ZNF728: variants seen among roughly 807,000 people sequenced by gnomAD.
ZNF728 encodes zinc finger protein 728.
Under a neutral mutation model 12.5 loss-of-function variants are expected in ZNF728, and 12 were observed. The observed-to-expected ratio is 0.96, with a 90% CI of 0.61 to 1.55. The LOEUF (loss-of-function observed/expected upper bound fraction) is 1.55. Among genes scored for constraint, ZNF728 ranks in the 40% most tolerant of loss-of-function variants. The pLI is 0.00. For synonymous variants in ZNF728, 205 were observed against 240.7 expected, an observed-to-expected ratio of 0.85 and a Z score of 1.37; for missense variants, 692 against 719.2, an observed-to-expected ratio of 0.96 and a Z score of 0.43.
intron 3 of ZNF728, among the ~76,000 whole-genome samples, chr19:22,977,605 T>C (rs1441137130): frequency 6.6e-6 from 1 of 152,134 alleles, no homozygotes; most frequent in Non-Finnish European, 1.5e-5. Context: ...AGACCAAAGA[T>C]AAATACAATG....
rs1969133304 is a variant in ZNF728 at position 23,003,156 on chromosome 19, C to T, written c.-126G>A. 1 of 1,160,088 alleles carries T rather than the reference C, an allele frequency of 8.6e-7. No individual in the cohort carries two copies. The highest frequency in any genetic ancestry group is 1.6e-5 in the African/African-American group (1 of 62,246). The allele number at this position is 1,160,088 out of a possible 1,614,324, so 71.9% of individuals were successfully genotyped here. A position where few individuals can be genotyped will look rare whatever the true frequency, so the allele number is the denominator to read the frequency against. On this transcript the variant is annotated 5_prime_UTR_variant, in exon 1 of 4. Coordinates refer to ENST00000594710, the MANE Select transcript of ZNF728 (RefSeq NM_001267716.2). The stretch of plus-strand genomic sequence containing the variant: ...AGCAGTAAGGACGACACCTTGACCT[C>T]CGCGTGCAGCGAGAGCCAACGGTCC...
In ZNF728 at chr19:22,987,353, CT is replaced by C; in HGVS notation, c.180del (p.Glu61SerfsTer5). The C allele has an allele frequency of 2.5e-6, 4 of 1,612,418 alleles. No homozygotes were observed. Among genetic ancestry groups the C allele is most frequent in the Non-Finnish European group, 3.4e-6 (4 of 1,179,232 alleles). On this transcript the variant is annotated frameshift_variant, in exon 3 of 4. Coordinates refer to ENST00000594710, the MANE Select transcript of ZNF728 (RefSeq NM_001267716.2). LOFTEE classifies it low-confidence loss of function (END_TRUNC). Reference protein sequence around the residue: ...PDLIIFLEQGKEPWNMKRHEL... With the variant: ...PDLIIFLEQGXEPWNMKRHEL... ...TCATGTCTCTTCATATTCCAGGGCT[CT>C]TTTCCTTGCTCCAGAAAAATGATCA... is the stretch of plus-strand genomic sequence containing the variant.
At chr19:22,989,007 T>C (rs1004042070) in intron 1 of ZNF728, among the ~76,000 whole-genome samples, 1 of 130,044 alleles carries the variant, frequency 7.7e-6, no homozygotes, top group Non-Finnish European at 1.5e-5. Context: ...GCCGAGATCA[T>C]GCCATTGCCC....
chr19:22,986,043 T>C (rs1189037613), intron 3 of ZNF728, among the ~76,000 whole-genome samples: 1 of 152,118 alleles, frequency 6.6e-6, no homozygotes, highest in African/African-American at 2.4e-5. Context: ...TGTAATAAGC[T>C]AACCCTAGTG....
intron 1 of ZNF728, among the ~76,000 whole-genome samples, chr19:23,000,291 T>C (rs1236261561): frequency 4.6e-5 from 7 of 151,640 alleles, no homozygotes; most frequent in Non-Finnish European, 7.4e-5. Context: ...AGCAGGAGAA[T>C]GGCGTAAACC....
At chr19:22,992,039 C>CA (rs1417034939) in intron 1 of ZNF728, among the ~76,000 whole-genome samples, 1 of 151,992 alleles carries the variant, frequency 6.6e-6, no homozygotes, top group Admixed American at 6.6e-5. Flanking sequence ...AAAATAAATA[C>CA]AAATAACAAT....
intron 1 of ZNF728, among the ~76,000 whole-genome samples, chr19:22,991,311 G>A (rs1353431285): frequency 6.6e-6 from 1 of 152,160 alleles, no homozygotes; most frequent in African/African-American, 2.4e-5. Context: ...ATAACACCCT[G>A]TGAGTTGATA....
intron 3 of ZNF728, among the ~76,000 whole-genome samples, chr19:22,983,995 A>C (rs1243842194): frequency 2.6e-5 from 4 of 152,160 alleles, no homozygotes; most frequent in Non-Finnish European, 5.9e-5. Flanking sequence ...CCCAGAATTT[A>C]AAGTATAATA....
intron 1 of ZNF728, chr19:22,995,840 A>G (rs1288887255): frequency 1.3e-5 from 2 of 152,242 alleles, no homozygotes; most frequent in Admixed American, 1.3e-4. Flanking sequence ...AACTTCCAGT[A>G]GCACTTTTTT....
At chr19:22,977,436 C>T (rs760895664) in intron 3 of ZNF728, among the ~76,000 whole-genome samples, 9 of 152,042 alleles carry the variant, frequency 5.9e-5, no homozygotes, top group Non-Finnish European at 1.2e-4. Context: ...AGTAAATTGT[C>T]AACTTCTGTT....
At chr19:22,996,758 TATATAC>T (rs59666903) in intron 1 of ZNF728, among the ~76,000 whole-genome samples, 46,200 of 151,736 alleles carry the variant, frequency 0.3, 9,085 homozygotes, top group African/African-American at 0.57. Flanking sequence ...GCAGAAGAAA[TATATAC>T]ATATAATCTA....
intron 1 of ZNF728, among the ~76,000 whole-genome samples, chr19:22,997,982 C>G (rs1969066765): frequency 6.6e-6 from 1 of 152,154 alleles, no homozygotes; most frequent in Non-Finnish European, 1.5e-5. Flanking sequence ...AAGAAATCAT[C>G]TCAAACCAGT....
At chr19:22,999,639 T>C (rs1277567727) in intron 1 of ZNF728, among the ~76,000 whole-genome samples, 1 of 152,188 alleles carries the variant, frequency 6.6e-6, no homozygotes. Flanking sequence ...TCCAGCAAAA[T>C]GATTCAAAAA....
At chr19:22,986,695 A>T (rs929977257) in intron 3 of ZNF728, among the ~76,000 whole-genome samples, 1 of 152,152 alleles carries the variant, frequency 6.6e-6, no homozygotes, top group African/African-American at 2.4e-5. Context: ...TAAACTCTCT[A>T]TCAATATTCC....
chr19:23,002,293 C>A (rs972678176), intron 1 of ZNF728, among the ~76,000 whole-genome samples: 1 of 152,164 alleles, frequency 6.6e-6, no homozygotes, highest in Non-Finnish European at 1.5e-5. Context: ...CCAGCCAGGG[C>A]GACAGAGTGA....
At chr19:22,978,329 G>A (rs1425396980) in intron 3 of ZNF728, among the ~76,000 whole-genome samples, 9 of 148,668 alleles carry the variant, frequency 6.1e-5, no homozygotes, top group South Asian at 2.1e-4. Context: ...TAGCTATCAA[G>A]TGAGAATAAT....
rs763474120 is a variant in ZNF728, at chr19:22,976,629, G to C, written c.708C>G (p.Ala236=). 2 of 1,611,758 alleles carry C rather than the reference G, an allele frequency of 1.2e-6. No individual in the cohort carries two copies. The highest frequency in any genetic ancestry group is 1.7e-6 in the Non-Finnish European group (2 of 1,179,212). ...KPCKCEECGK[A]FSKFSILTKH... ...TAGTAAGGATTGAGAACTTACTAAA[G>C]GCTTTGCCACATTCTTCACATTTGC... is the stretch of plus-strand genomic sequence containing the variant. The change falls in exon 4 of 4, where the codon GCC becomes GCG. Residue 236 remains alanine, a synonymous_variant. Transcript: ENST00000594710.
In ZNF728 at chr19:22,976,068, G is replaced by C; in HGVS notation, c.1269C>G (p.Pro423=). ...KHKIIHTGEK[P]YKCEECGKAF... is the part of the protein sequence containing the mutation. ...CTTTGCCACATTCTTCACATTTGTAGGGTTTCTCTCCAGTATGAATTATCT... is the reference window on the plus strand; with the variant it reads ...CTTTGCCACATTCTTCACATTTGTACGGTTTCTCTCCAGTATGAATTATCT... The change falls in exon 4 of 4, where the codon CCC becomes CCG. Residue 423 remains proline, a synonymous_variant. Coordinates refer to ENST00000594710, the MANE Select transcript of ZNF728 (RefSeq NM_001267716.2). The C allele has an allele frequency of 6.2e-7, 1 of 1,605,758 alleles. No individual in the cohort carries two copies. The highest frequency in any genetic ancestry group is 2.3e-5 in the East Asian group (1 of 44,422).
intron 1 of ZNF728, among the ~76,000 whole-genome samples, chr19:22,989,120 GTA>G (rs1968955414): frequency 6.7e-6 from 1 of 149,620 alleles, no homozygotes; most frequent in African/African-American, 2.5e-5. Context: ...ACATAGTTGT[GTA>G]TATTGTTCAG....
Sources: gnomAD v4.1 joint callset for allele counts (sites outside exome capture counted in the v4.1 genomes callset) on GRCh38, gnomAD v4.1.1 for gene constraint, MANE v1.5 for transcripts, NCBI Gene and HGNC (gene_info 2026-07-23, HGNC 2026-07-21) for gene names.